The following LANCL1 variants were observed in gnomAD, a reference collection of about 807,000 sequenced individuals.
The protein encoded by LANCL1 is LanC like glutathione S-transferase 1.
Under a neutral mutation model 50.6 loss-of-function variants are expected in LANCL1, and 50 were observed. The observed-to-expected ratio is 0.99, with a 90% confidence interval of 0.79 to 1.25. LANCL1 has a LOEUF of 1.25. Among genes scored for constraint, LANCL1 ranks in the 50% most tolerant of loss-of-function variants. The probability of loss-of-function intolerance (pLI) is 0.00; values close to 1 mark genes in which losing one functional copy is unlikely to be tolerated. For missense variants in LANCL1, 532 were observed against 480.7 expected, an observed-to-expected ratio of 1.11 and a Z score of -1.00; for synonymous variants, 188 against 178.6, an observed-to-expected ratio of 1.05 and a Z score of -0.42.
chr2:210,443,894 G>A (rs1693227770), intron 4 of LANCL1, among the ~76,000 whole-genome samples: 1 of 152,204 alleles, frequency 6.6e-6, no homozygotes, highest in African/African-American at 2.4e-5. Context: ...TTGGTGGAAT[G>A]AGTGGTAAAG....
intron 3 of LANCL1, among the ~76,000 whole-genome samples, chr2:210,455,812 T>TG (rs1693658333): frequency 3.0e-5 from 4 of 132,724 alleles, no homozygotes; most frequent in African/African-American, 1.4e-4. Context: ...GTGTGTGTGT[T>TG]TTTTTTTTTT....
chr2:210,463,468 C>T (rs539374118), intron 3 of LANCL1, among the ~76,000 whole-genome samples: 1 of 152,236 alleles, frequency 6.6e-6, no homozygotes, highest in East Asian at 1.9e-4. Flanking sequence ...GTGTACGTGC[C>T]TGCACCCTGT....
At chr2:210,472,115 G>A (rs1281574252) in intron 2 of LANCL1, 39 bp from the exon 3 acceptor site, 3 of 1,381,730 alleles carry the variant, frequency 2.2e-6, no homozygotes, top group Admixed American at 3.4e-5. Flanking sequence ...AATAATGTGG[G>A]TCACCCAGCT....
intron 4 of LANCL1, among the ~76,000 whole-genome samples, chr2:210,453,852 T>C (rs1424914993): frequency 6.6e-6 from 1 of 152,114 alleles, no homozygotes. Flanking sequence ...TTGGGGGAAA[T>C]CACTGTTTTG....
intron 4 of LANCL1, among the ~76,000 whole-genome samples, chr2:210,451,033 T>C (rs985812823): frequency 2.0e-5 from 3 of 152,228 alleles, no homozygotes; most frequent in African/African-American, 7.2e-5. Flanking sequence ...TGCACACGTA[T>C]GTTTATTGCA....
intron 6 of LANCL1, among the ~76,000 whole-genome samples, chr2:210,440,048 T>C (rs1693078401): frequency 6.6e-6 from 1 of 152,202 alleles, no homozygotes; most frequent in Non-Finnish European, 1.5e-5. Context: ...TTTAGTCTAT[T>C]TGACTTTGGT....
intron 4 of LANCL1, among the ~76,000 whole-genome samples, chr2:210,444,362 T>C (rs1428495683): frequency 6.6e-6 from 1 of 152,080 alleles, no homozygotes; most frequent in Non-Finnish European, 1.5e-5. Context: ...TCCACACGCT[T>C]GTGGTGAGGG....
chr2:210,464,000 A>G (rs1693959200), intron 3 of LANCL1, among the ~76,000 whole-genome samples: 1 of 152,228 alleles, frequency 6.6e-6, no homozygotes, highest in South Asian at 2.1e-4. Context: ...CTCTGCTTCA[A>G]TTTTAAAATA....
rs539735008 is a variant in LANCL1, at chr2:210,471,108, G to A, written c.199+851C>T. Among the ~76,000 whole-genome samples the A allele has an allele frequency of 2.1e-4, 29 of 140,164 alleles. 2 individuals are homozygous for A. Among genetic ancestry groups the A allele is most frequent in the Admixed American group, 7.0e-4 (9 of 12,922 alleles). 92.0% of individuals were successfully genotyped at this position (140,164 alleles called of 152,430 possible). On this transcript the variant is annotated intron_variant, in intron 3 of 9. Transcript: ENST00000450366. ...CATCACCAGGCTGGAGTGCAGTGGA[G>A]TGATCTCATCTCACTGCAATCTCCA...
At chr2:210,452,470 A>T (rs1255419025) in intron 4 of LANCL1, among the ~76,000 whole-genome samples, 2 of 152,128 alleles carry the variant, frequency 1.3e-5, no homozygotes, top group African/African-American at 4.8e-5. Flanking sequence ...CAGTAGAACA[A>T]ATTAATGCAA....
chr2:210,431,743 C>T lies in LANCL1; in HGVS notation c.*2744G>A, dbSNP rs1419293523. The T allele has an allele frequency of 6.6e-6, 1 of 151,956 alleles. No homozygotes were observed. Among genetic ancestry groups the T allele is most frequent in the Non-Finnish European group, 1.5e-5 (1 of 67,996 alleles). 9.4% of individuals were successfully genotyped at this position (151,956 alleles called of 1,614,324 possible). A position where few individuals can be genotyped will look rare whatever the true frequency, so the allele number is the denominator to read the frequency against. On this transcript the variant is annotated 3_prime_UTR_variant, in exon 10 of 10. Coordinates refer to ENST00000450366, the MANE Select transcript of LANCL1 (RefSeq NM_006055.3). ...TACCTACCATGAAGGTTTTTGATGC[C>T]AAATAATTGGAACTGACATCAAAGA...
chr2:210,476,472 G>T, intron 1 of LANCL1, 60 bp from the exon 2 acceptor site: 1 of 1,364,248 alleles, frequency 7.3e-7, no homozygotes, highest in East Asian at 2.7e-5. Flanking sequence ...CGAGTTGCGA[G>T]GGCGGCGGCG....
At chr2:210,465,483 T>C (rs181556558) in intron 3 of LANCL1, among the ~76,000 whole-genome samples, 46 of 152,286 alleles carry the variant, frequency 3.0e-4, no homozygotes, top group Admixed American at 2.5e-3. Context: ...AGGACCACTG[T>C]AAAGAATGAA....
chr2:210,476,109 A>G (rs923104083), intron 2 of LANCL1, among the ~76,000 whole-genome samples: 6 of 152,224 alleles, frequency 3.9e-5, no homozygotes, highest in Admixed American at 3.3e-4. Flanking sequence ...GTTTATTTCA[A>G]TTAATAATGT....
rs544035263 is a variant in LANCL1, at chr2:210,474,505, C to T, written c.81+1811G>A. ...CTGAGATGGGTGGATCACTTGAGGT[C>T]AGGAGTTCGACACCAGCCTGGCCAA... On this transcript the variant is annotated intron_variant, in intron 2 of 9. Coordinates refer to ENST00000450366, the MANE Select transcript of LANCL1 (RefSeq NM_006055.3). 2.0e-5 allele frequency among the ~76,000 whole-genome samples: 3 copies of T among 151,054 alleles called. No homozygotes were observed. In the South Asian group the frequency reaches 6.3e-4, roughly 32 times the overall value.
chr2:210,448,109 A>C (rs1693400223), intron 4 of LANCL1, among the ~76,000 whole-genome samples: 1 of 152,198 alleles, frequency 6.6e-6, no homozygotes, highest in Non-Finnish European at 1.5e-5. Context: ...TTGGAAGTAA[A>C]ACATTCCTCA....
intron 3 of LANCL1, among the ~76,000 whole-genome samples, chr2:210,470,672 C>A (rs1454128511): frequency 6.6e-6 from 1 of 152,098 alleles, no homozygotes; most frequent in Non-Finnish European, 1.5e-5. Context: ...GATGCTCAAC[C>A]TGTACTAAAG....
rs1693978112 is a variant in LANCL1, at chr2:210,464,555, G to GA, written c.199+7403dup. Among the ~76,000 whole-genome samples, 3 of 151,828 alleles carry GA rather than the reference G, an allele frequency of 2.0e-5. No individual in the cohort carries two copies. The South Asian group carries it at 6.2e-4, about 32-fold the overall frequency. The stretch of plus-strand genomic sequence containing the variant: ...ATGAACTGTGTAGACCAGAAATATC[G>GA]AAAAAATTAAGAAAAAGGTGTGTCA... On this transcript the variant is annotated intron_variant, in intron 3 of 9. Transcript: ENST00000450366.
At position 210,448,173 on chromosome 2, in the gene LANCL1, A is replaced by G. The variant is rs140520402; in HGVS notation, c.408-6730T>C. On this transcript the variant is annotated intron_variant, in intron 4 of 9. Transcript: ENST00000450366. ...AGTCTCTCAGGCCATAGTGCAATCA[A>G]ATTAGAACTCAGGATCAAGAAACTC... Among the ~76,000 whole-genome samples, 340 of 152,336 alleles carry G rather than the reference A, an allele frequency of 2.2e-3. 1 individual carries two copies. Among genetic ancestry groups the G allele is most frequent in the African/African-American group, 7.9e-3 (328 of 41,576 alleles).
Sources: gnomAD v4.1 joint callset for allele counts (sites outside exome capture counted in the v4.1 genomes callset) on GRCh38, gnomAD v4.1.1 for gene constraint, MANE v1.5 for transcripts, NCBI Gene and HGNC (gene_info 2026-07-23, HGNC 2026-07-21) for gene names.